The following RBFOX1 variants were observed in gnomAD, a reference collection of about 807,000 sequenced individuals.
The protein encoded by RBFOX1 is RNA binding protein fox-1 homolog 1.
In RBFOX1, 8 loss-of-function variants were observed where a neutral mutation model predicts 57.7. That is an observed-to-expected ratio of 0.14 (90% CI 0.08 to 0.25). RBFOX1 has a LOEUF of 0.25. Ranked by LOEUF, RBFOX1 falls within the 10% of genes least tolerant of loss-of-function variation. The pLI is 1.00. For synonymous variants in RBFOX1, 326 were observed against 222.4 expected, an observed-to-expected ratio of 1.47 and a Z score of -4.15; for missense variants, 611 against 548.5, an observed-to-expected ratio of 1.11 and a Z score of -1.14.
intron 2 of RBFOX1, among the ~76,000 whole-genome samples, chr16:6,432,909 T>C (rs1017265841): frequency 4.6e-5 from 7 of 151,710 alleles, no homozygotes; most frequent in Non-Finnish European, 1.0e-4. Flanking sequence ...ATCTGGGAGG[T>C]GGATGTTGCA....
At chr16:5,903,762 C>T (rs1009468395) in intron 4 of RBFOX1, among the ~76,000 whole-genome samples, 1 of 152,132 alleles carries the variant, frequency 6.6e-6, no homozygotes. Flanking sequence ...CCTATGAGAG[C>T]TAGGCTGACT....
intron 4 of RBFOX1, among the ~76,000 whole-genome samples, chr16:7,095,777 C>T (rs1377728670): frequency 6.6e-6 from 1 of 152,118 alleles, no homozygotes; most frequent in African/African-American, 2.4e-5. Context: ...AATCCCAGCA[C>T]TTCGGGAGAC....
At chr16:6,526,503 T>C (rs1223919941) in intron 2 of RBFOX1, among the ~76,000 whole-genome samples, 1 of 152,088 alleles carries the variant, frequency 6.6e-6, no homozygotes, top group Non-Finnish European at 1.5e-5. Context: ...GGCTAGATGC[T>C]TTATACACAA....
At chr16:7,310,103 G>T (rs2096274742) in intron 4 of RBFOX1, among the ~76,000 whole-genome samples, 1 of 152,210 alleles carries the variant, frequency 6.6e-6, no homozygotes, top group African/African-American at 2.4e-5. Context: ...CAGCTCTCAG[G>T]CACAATGGCC....
intron 2 of RBFOX1, among the ~76,000 whole-genome samples, chr16:5,547,018 A>C (rs930574809): frequency 6.6e-6 from 1 of 152,208 alleles, no homozygotes; most frequent in African/African-American, 2.4e-5. Flanking sequence ...ATCATTAATC[A>C]TTAGGGAAAT....
intron 3 of RBFOX1, among the ~76,000 whole-genome samples, chr16:5,830,583 G>T (rs1434783817): frequency 6.6e-6 from 1 of 152,138 alleles, no homozygotes. Context: ...GTGGGTGTCA[G>T]TAGCCAGCAG....
At chr16:7,001,347 T>C (rs116970998) in intron 3 of RBFOX1, among the ~76,000 whole-genome samples, 1,555 of 151,984 alleles carry the variant, frequency 0.01, 15 homozygotes, top group Middle Eastern at 0.017. Flanking sequence ...CCTGACTCTG[T>C]GTGTGTGTGT....
chr16:5,665,390 GCC>G, intron 3 of RBFOX1, among the ~76,000 whole-genome samples: 2 of 119,348 alleles, frequency 1.7e-5, no homozygotes, highest in South Asian at 6.9e-4. Flanking sequence ...GCCTTCTCTG[GCC>G]TCCTTCCTGA....
chr16:7,297,270 C>T (rs903615730), intron 4 of RBFOX1, among the ~76,000 whole-genome samples: 1 of 152,160 alleles, frequency 6.6e-6, no homozygotes, highest in Non-Finnish European at 1.5e-5. Context: ...ACTACCCCAC[C>T]CTGTGAGATG....
At chr16:6,398,962 G>A (rs1421874699) in intron 2 of RBFOX1, among the ~76,000 whole-genome samples, 1 of 152,202 alleles carries the variant, frequency 6.6e-6, no homozygotes, top group Non-Finnish European at 1.5e-5. Flanking sequence ...TGCCCCAGTA[G>A]CAGACTTTTG....
In RBFOX1 at chr16:5,523,315, C is replaced by G. The variant is rs187037437; in HGVS notation, c.258+56061C>G. Among the ~76,000 whole-genome samples, 5 of 152,014 alleles carry G rather than the reference C, an allele frequency of 3.3e-5. No homozygotes were observed. In the East Asian group the frequency reaches 7.8e-4, roughly 24 times the overall value. On this transcript the variant is annotated intron_variant, in intron 2 of 2. Coordinates refer to the RBFOX1 transcript ENST00000585867. ...AAAACAGGAGAGGGGACAGGTGTCC[C>G]TTTGATGTACCAATTTCCAGCTGGG...
At position 6,563,603 on chromosome 16, in the gene RBFOX1, C is replaced by T. The variant is rs140934249; in HGVS notation, c.-63-91000C>T. On this transcript the variant is annotated intron_variant, in intron 2 of 15. Transcript: ENST00000550418. ...TCACGCCTGTACTTCCAGCACTTTG[C>T]GAGGCCAAGGTAGGCAGATTGTTTG... Among the ~76,000 whole-genome samples the T allele has an allele frequency of 1.6e-3, 242 of 152,130 alleles. 2 individuals carry two copies. Among genetic ancestry groups the T allele is most frequent in the Non-Finnish European group, 2.1e-3 (143 of 68,024 alleles).
At chr16:7,428,242 AT>A (rs1366058821) in intron 4 of RBFOX1, among the ~76,000 whole-genome samples, 2 of 150,068 alleles carry the variant, frequency 1.3e-5, no homozygotes, top group African/African-American at 4.9e-5. Flanking sequence ...TAGCATTGCT[AT>A]TGGCATATCG....
intron 14 of RBFOX1, among the ~76,000 whole-genome samples, chr16:7,678,721 C>T (rs1441460230): frequency 4.6e-5 from 7 of 152,128 alleles, no homozygotes; most frequent in Non-Finnish European, 4.4e-5. Flanking sequence ...ATTAGAATTA[C>T]CTGAGATTCT....
At chr16:5,872,367 C>A (rs1017436508) in intron 4 of RBFOX1, among the ~76,000 whole-genome samples, 3 of 152,190 alleles carry the variant, frequency 2.0e-5, no homozygotes, top group Non-Finnish European at 2.9e-5. Flanking sequence ...CTAAGCAAGT[C>A]TTTTCTCCAC....
At chr16:6,224,425 G>A (rs1024934347) in intron 1 of RBFOX1, among the ~76,000 whole-genome samples, 8 of 152,076 alleles carry the variant, frequency 5.3e-5, no homozygotes, top group African/African-American at 1.9e-4. Context: ...CATGTCCCTT[G>A]TAAGCTGGAT....
intron 1 of RBFOX1, among the ~76,000 whole-genome samples, chr16:5,325,055 G>A (rs1436148265): frequency 6.6e-6 from 1 of 152,102 alleles, no homozygotes; most frequent in Non-Finnish European, 1.5e-5. Context: ...ACCTGCACAT[G>A]AGCCGCTAAA....
At chr16:5,745,211 C>G (rs545646534) in intron 3 of RBFOX1, among the ~76,000 whole-genome samples, 1 of 152,036 alleles carries the variant, frequency 6.6e-6, no homozygotes, top group Non-Finnish European at 1.5e-5. Context: ...TTGTCCTTTG[C>G]GATAGTTTGC....
intron 1 of RBFOX1, among the ~76,000 whole-genome samples, chr16:5,317,679 G>A (rs1307671534): frequency 1.3e-5 from 2 of 152,306 alleles, no homozygotes; most frequent in South Asian, 2.1e-4. Flanking sequence ...CTCATTCAGT[G>A]CCTGACAATT....
Sources: gnomAD v4.1 joint callset for allele counts (sites outside exome capture counted in the v4.1 genomes callset) on GRCh38, gnomAD v4.1.1 for gene constraint, MANE v1.5 for transcripts, NCBI Gene and HGNC (gene_info 2026-07-23, HGNC 2026-07-21) for gene names.